Variants in CACNA1C observed in about 807,000 individuals in gnomAD.
The protein encoded by CACNA1C is voltage-dependent L-type calcium channel subunit alpha-1C.
In CACNA1C, 30 loss-of-function variants were observed where a neutral mutation model predicts 229.0. The observed-to-expected ratio is 0.13, with a 90% CI of 0.10 to 0.18. CACNA1C has a LOEUF of 0.18. CACNA1C is among the 10% of genes least tolerant of loss of function. The pLI is 1.00. For synonymous variants in CACNA1C, 1,114 were observed against 1,132.5 expected, an observed-to-expected ratio of 0.98 and a Z score of 0.33; for missense variants, 1,658 against 2,845.0, an observed-to-expected ratio of 0.58 and a Z score of 9.49.
Position 2,688,707 on chromosome 12 carries a change from C to T in CACNA1C, c.6045C>T (p.Ser2015=), listed in dbSNP as rs761638574. 5 of 1,609,070 alleles carry T rather than the reference C, an allele frequency of 3.1e-6. No individual in the cohort carries two copies. The East Asian group carries it at 6.7e-5, about 22-fold the overall frequency. Residue 2015 remains serine, a synonymous_variant, in exon 46 of 47, where the codon TCC becomes TCT. Coordinates refer to ENST00000399655, the MANE Select transcript of CACNA1C (RefSeq NM_000719.7). ...SSAARRVRPV[S]LMVPSQAGAP... ...CCGCCCGGAGAGTCCGGCCCGTCTC[C>T]CTCATGGTGCCCAGCCAGGCTGGGG...
chr12:2,233,784 A>G (rs974024393), intron 3 of CACNA1C, among the ~76,000 whole-genome samples: 10 of 152,206 alleles, frequency 6.6e-5, no homozygotes, highest in Non-Finnish European at 1.3e-4. Context: ...TCCCTCTCCT[A>G]TGGGGTTGGG....
rs936313216 is a variant in CACNA1C, at chr12:2,152,885, C to G, written c.477+32455C>G. 1.3e-5 allele frequency among the ~76,000 whole-genome samples: 2 copies of G among 152,100 alleles called. No homozygotes were observed. Among genetic ancestry groups the G allele is most frequent in the Non-Finnish European group, 2.9e-5 (2 of 68,036 alleles). ...GTAGGTCCCACTGGTCCCGAGTGTC[C>G]TACGGCCCTTTATATTGGATAATAT... On this transcript the variant is annotated intron_variant, in intron 3 of 46. Coordinates refer to ENST00000399655, the MANE Select transcript of CACNA1C (RefSeq NM_000719.7). The surrounding 1 kb of genome is among the most constrained non-coding windows in gnomAD (Gnocchi z 4.2).
chr12:2,008,556 G>A (rs754482117), intron 1 of CACNA1C, among the ~76,000 whole-genome samples: 10 of 152,118 alleles, frequency 6.6e-5, no homozygotes, highest in Non-Finnish European at 1.3e-4. Context: ...ACTAAACCCT[G>A]AGTTAGTTGA....
At chr12:2,289,701 G>A (rs746042528) in intron 3 of CACNA1C, among the ~76,000 whole-genome samples, 12 of 152,002 alleles carry the variant, frequency 7.9e-5, no homozygotes, top group African/African-American at 2.9e-4. Context: ...CGTGATCAGT[G>A]TATCAGTGCC....
intron 3 of CACNA1C, among the ~76,000 whole-genome samples, chr12:2,326,021 AGGGCCTGCAGAAACTCT>A (rs2096274675): frequency 6.6e-6 from 1 of 152,206 alleles, no homozygotes; most frequent in South Asian, 2.1e-4. Flanking sequence ...AGGGCACACA[AGGGCCTGCAGAAACTCT>A]GGGGGCAGCA....
Position 2,245,330 on chromosome 12 carries a change from G to A in CACNA1C, c.477+124900G>A, listed in dbSNP as rs866000578. On this transcript the variant is annotated intron_variant, in intron 3 of 46. Transcript: ENST00000399655. ...CTCCATTGAGAACCCTTCAGCACATGCATGCTTGCTTAGCCACCCGGGTTT... is the reference window on the plus strand; with the variant it reads ...CTCCATTGAGAACCCTTCAGCACATACATGCTTGCTTAGCCACCCGGGTTT... Among the ~76,000 whole-genome samples, 3 of 152,138 alleles carry A rather than the reference G, an allele frequency of 2.0e-5. No individual in the cohort carries two copies. The South Asian group carries it at 6.2e-4, about 32-fold the overall frequency.
chr12:2,052,623 G>C (rs1347646527), upstream of CACNA1C, among the ~76,000 whole-genome samples: 1 of 144,490 alleles, frequency 6.9e-6, no homozygotes, highest in African/African-American at 2.5e-5. Flanking sequence ...CGCGGCCACC[G>C]CGGCCACCGC....
intron 5 of CACNA1C, among the ~76,000 whole-genome samples, chr12:2,481,220 T>C (rs917299632): frequency 6.6e-6 from 1 of 152,200 alleles, no homozygotes; most frequent in African/African-American, 2.4e-5. Context: ...TGATCTGTTG[T>C]CAGCCCTCGT....
At chr12:2,371,896 G>A (rs780870479) in intron 3 of CACNA1C, among the ~76,000 whole-genome samples, 3 of 152,050 alleles carry the variant, frequency 2.0e-5, no homozygotes, top group Admixed American at 6.5e-5. Context: ...GCCTCTAAGG[G>A]GAGCGGATGC....
intron 3 of CACNA1C, among the ~76,000 whole-genome samples, chr12:2,418,888 G>C (rs888229521): frequency 6.6e-6 from 1 of 152,254 alleles, no homozygotes; most frequent in East Asian, 1.9e-4. Flanking sequence ...GGAGCTGAGG[G>C]GTTCTTTACC....
chr12:2,512,766 CCTT>C lies in CACNA1C; in HGVS notation c.1218-43_1218-41del, dbSNP rs779921351. 14 of 1,465,386 alleles carry C rather than the reference CCTT, an allele frequency of 9.6e-6. No homozygotes were observed. The East Asian group carries it at 3.0e-4, about 31-fold the overall frequency. The allele number at this position is 1,465,386 out of a possible 1,614,324, so 90.8% of individuals were successfully genotyped here. A position where few individuals can be genotyped will look rare whatever the true frequency, so the allele number is the denominator to read the frequency against. ...TCCTCGACCCTTCTCGGTGCTCCCT[CCTT>C]CTCTGTGCTCTCCTGCCCTGCCCCT... On this transcript the variant is annotated intron_variant, in intron 8 of 46. Coordinates refer to ENST00000399655, the MANE Select transcript of CACNA1C (RefSeq NM_000719.7). The surrounding 1 kb of genome is among the most constrained non-coding windows in gnomAD (Gnocchi z 4.3).
chr12:2,223,220 G>A (rs1161568200), intron 3 of CACNA1C: 1 of 152,206 alleles, frequency 6.6e-6, no homozygotes, highest in Admixed American at 6.5e-5. Context: ...TGTGGTGAAT[G>A]GGTCCAAACA....
intron 1 of CACNA1C, among the ~76,000 whole-genome samples, chr12:2,016,218 C>T (rs7976144): frequency 0.2 from 30,339 of 151,966 alleles, 3,087 homozygotes; most frequent in Non-Finnish European, 0.21. Context: ...CAAACATTTC[C>T]TGAGTGTCTT....
intron 21 of CACNA1C, among the ~76,000 whole-genome samples, chr12:2,599,867 G>A (rs1392358531): frequency 1.3e-5 from 2 of 152,096 alleles, no homozygotes; most frequent in Non-Finnish European, 2.9e-5. Flanking sequence ...TCTTCCTCTG[G>A]CCCTGCCTGG....
At chr12:2,683,927 A>T (rs1194365379) in intron 43 of CACNA1C, among the ~76,000 whole-genome samples, 4 of 152,258 alleles carry the variant, frequency 2.6e-5, no homozygotes, top group African/African-American at 9.6e-5. Flanking sequence ...ACGGGGGCCC[A>T]GGGCGGGAGG....
chr12:2,575,346 C>T lies in CACNA1C; in HGVS notation c.1896-6244C>T, dbSNP rs1325428083. ...AATACTCTAGAATTCTGCTTGACTC[C>T]TCCTGGCCCAGCCCAGCATATACGG... On this transcript the variant is annotated intron_variant, in intron 13 of 46. Coordinates refer to ENST00000399655, the MANE Select transcript of CACNA1C (RefSeq NM_000719.7). This position sits in a 1 kb window ranked among gnomAD's most constrained non-coding sequence, Gnocchi z 4.0. 6.6e-6 allele frequency among the ~76,000 whole-genome samples: 1 copy of T among 152,178 alleles called. No homozygotes were observed. Among genetic ancestry groups the T allele is most frequent in the Non-Finnish European group, 1.5e-5 (1 of 68,030 alleles).
chr12:2,273,794 T>C (rs1271844422), intron 3 of CACNA1C, among the ~76,000 whole-genome samples: 1 of 152,116 alleles, frequency 6.6e-6, no homozygotes, highest in East Asian at 1.9e-4. Context: ...CAACCCCCTC[T>C]CCCTGACCCC....
intron 9 of CACNA1C, among the ~76,000 whole-genome samples, chr12:2,523,573 A>T (rs552766530): frequency 6.7e-6 from 1 of 150,278 alleles, no homozygotes; most frequent in African/African-American, 2.5e-5. Context: ...CCTCAGCACT[A>T]TGGGGCCCCG....
At chr12:2,557,030 A>C (rs2044701682) in intron 11 of CACNA1C, 53 bp downstream of exon 11, 2 of 1,536,924 alleles carry the variant, frequency 1.3e-6, no homozygotes, top group South Asian at 1.1e-5. Flanking sequence ...CTCTGTCTTC[A>C]GCCACCCTGT....
Sources: allele counts gnomAD v4.1 joint callset (sites outside exome capture counted in the v4.1 genomes callset), GRCh38; gene constraint gnomAD v4.1.1; non-coding constraint Gnocchi (gnomAD v3.1); transcripts MANE v1.5; gene names NCBI Gene and HGNC (gene_info 2026-07-23, HGNC 2026-07-21).